SMAP1: variants seen among roughly 807,000 people sequenced by gnomAD.
SMAP1 encodes the protein small ArfGAP 1.
In SMAP1, 24 loss-of-function variants were observed where a neutral mutation model predicts 58.5. The observed-to-expected ratio is 0.41, with a 90% CI of 0.30 to 0.58. The LOEUF is 0.58. Ranked by LOEUF, SMAP1 falls within the 20% of genes least tolerant of loss-of-function variation. SMAP1 has a pLI of 0.29. For missense variants in SMAP1, 563 were observed against 566.3 expected, an observed-to-expected ratio of 0.99 and a Z score of 0.06; for synonymous variants, 216 against 196.6, an observed-to-expected ratio of 1.10 and a Z score of -0.82.
intron 6 of SMAP1, among the ~76,000 whole-genome samples, chr6:70,823,064 ATACTAATGATAGCT>A (rs1382551112): frequency 2.6e-5 from 4 of 152,210 alleles, no homozygotes; most frequent in Non-Finnish European, 4.4e-5. Flanking sequence ...AGCCCTTAGC[ATACTAATGATAGCT>A]GCTTTAAATT....
At chr6:70,716,525 G>A (rs1472926823) in intron 1 of SMAP1, among the ~76,000 whole-genome samples, 1 of 152,106 alleles carries the variant, frequency 6.6e-6, no homozygotes, top group Non-Finnish European at 1.5e-5. Context: ...TTGGGGGTTG[G>A]AGGCTCCTGC....
chr6:70,762,656 G>A (rs1213305006), intron 3 of SMAP1, among the ~76,000 whole-genome samples: 3 of 152,066 alleles, frequency 2.0e-5, no homozygotes, highest in Non-Finnish European at 4.4e-5. Flanking sequence ...CTTTTAAAAA[G>A]TATAAAAAGT....
intron 1 of SMAP1, among the ~76,000 whole-genome samples, chr6:70,710,489 A>G (rs1370731114): frequency 1.1e-5 from 1 of 90,630 alleles, no homozygotes; most frequent in African/African-American, 4.3e-5. Flanking sequence ...CGAGACTCCC[A>G]TCTCAAAAAA....
At position 70,810,447 on chromosome 6, in the gene SMAP1, G is replaced by A. The variant is rs186962436; in HGVS notation, c.576+11710G>A. The stretch of plus-strand genomic sequence containing the variant: ...CCACTTAGAAAAAATGATCACTAAT[G>A]CCTTGGCATTCATCCTTCCTAATTG... On this transcript the variant is annotated intron_variant, in intron 6 of 10. Coordinates refer to ENST00000370455, the MANE Select transcript of SMAP1 (RefSeq NM_001044305.3). Among the ~76,000 whole-genome samples, 4 of 152,250 alleles carry A rather than the reference G, an allele frequency of 2.6e-5. No individual in the cohort carries two copies. In the East Asian group the frequency reaches 5.8e-4, roughly 22 times the overall value.
At chr6:70,848,943 C>T (rs1771085990) in intron 7 of SMAP1, among the ~76,000 whole-genome samples, 1 of 152,148 alleles carries the variant, frequency 6.6e-6, no homozygotes, top group Admixed American at 6.5e-5. Context: ...GTTTTTTCAA[C>T]AATTCTGTGA....
intron 6 of SMAP1, among the ~76,000 whole-genome samples, chr6:70,804,548 G>A (rs1033664716): frequency 6.6e-6 from 1 of 152,032 alleles, no homozygotes; most frequent in African/African-American, 2.4e-5. Flanking sequence ...TATGATGTTC[G>A]CTGGTTATTT....
At chr6:70,750,001 A>G (rs958288075) in intron 2 of SMAP1, among the ~76,000 whole-genome samples, 5 of 152,196 alleles carry the variant, frequency 3.3e-5, no homozygotes, top group Admixed American at 1.3e-4. Flanking sequence ...AGGGGAATGC[A>G]TTATTAATTT....
At chr6:70,836,829 G>T in intron 6 of SMAP1, 112 bp from the exon 7 acceptor site, 1 of 826,126 alleles carries the variant, frequency 1.2e-6, no homozygotes, top group East Asian at 2.9e-5. Flanking sequence ...ATTATACTAT[G>T]TTTCATATTT....
intron 6 of SMAP1, among the ~76,000 whole-genome samples, chr6:70,799,533 A>G (rs1430806567): frequency 6.6e-6 from 1 of 152,210 alleles, no homozygotes; most frequent in Non-Finnish European, 1.5e-5. Context: ...GAATCATACT[A>G]AGAGAATTGT....
intron 1 of SMAP1, among the ~76,000 whole-genome samples, chr6:70,675,383 G>A (rs1162515269): frequency 1.3e-5 from 2 of 151,800 alleles, no homozygotes; most frequent in Non-Finnish European, 1.5e-5. Context: ...TGGAGCAGTG[G>A]TGTACACCTG....
chr6:70,777,634 T>G (rs1019564397), intron 4 of SMAP1, among the ~76,000 whole-genome samples: 16 of 152,124 alleles, frequency 1.1e-4, no homozygotes, highest in African/African-American at 3.6e-4. Context: ...TTTTCTATTT[T>G]TGGTTTTGTT....
At chr6:70,810,501 G>A (rs908120927) in intron 6 of SMAP1, among the ~76,000 whole-genome samples, 3 of 152,088 alleles carry the variant, frequency 2.0e-5, no homozygotes, top group African/African-American at 7.2e-5. Flanking sequence ...ATATCCACAT[G>A]GGATCATATT....
chr6:70,822,335 C>G (rs963127795), intron 6 of SMAP1, among the ~76,000 whole-genome samples: 1 of 152,144 alleles, frequency 6.6e-6, no homozygotes, highest in African/African-American at 2.4e-5. Context: ...ATAGTTATAT[C>G]AGGTTGATAC....
At chr6:70,742,465 A>G (rs1765856131) in intron 2 of SMAP1, among the ~76,000 whole-genome samples, 1 of 152,156 alleles carries the variant, frequency 6.6e-6, no homozygotes, top group Non-Finnish European at 1.5e-5. Flanking sequence ...CAAGTTCCTC[A>G]TCTCCATCTG....
At chr6:70,802,749 A>G (rs924939131) in intron 6 of SMAP1, among the ~76,000 whole-genome samples, 2 of 152,232 alleles carry the variant, frequency 1.3e-5, no homozygotes, top group African/African-American at 4.8e-5. Flanking sequence ...CCTTTTCTGC[A>G]TCTATTGAGA....
rs1003239972 is a variant in SMAP1, at chr6:70,727,115, G to GT, written c.119-5254dup. ...AACTTGAGGTCTTTTTTTGTTTTTT[G>GT]TTTTTTTTTAAAGACAGCGTCTCCC... On this transcript the variant is annotated intron_variant, in intron 1 of 10. Coordinates refer to ENST00000370455, the MANE Select transcript of SMAP1 (RefSeq NM_001044305.3). Among the ~76,000 whole-genome samples the GT allele has an allele frequency of 2.3e-4, 35 of 149,924 alleles. No individual in the cohort carries two copies. The East Asian group carries it at 5.1e-3, about 22-fold the overall frequency.
At chr6:70,685,542 CAAACTT>C (rs766667194) in intron 1 of SMAP1, among the ~76,000 whole-genome samples, 8 of 152,010 alleles carry the variant, frequency 5.3e-5, no homozygotes, top group Non-Finnish European at 1.0e-4. Flanking sequence ...AGAGTGAAAT[CAAACTT>C]AAAGGAGAAT....
At chr6:70,854,790 T>C (rs1771334582) in intron 8 of SMAP1, among the ~76,000 whole-genome samples, 1 of 152,196 alleles carries the variant, frequency 6.6e-6, no homozygotes, top group Admixed American at 6.5e-5. Flanking sequence ...ACCAAGATTT[T>C]GAATTCTTCT....
At chr6:70,737,534 T>A (rs1468739717) in intron 2 of SMAP1, among the ~76,000 whole-genome samples, 1 of 152,220 alleles carries the variant, frequency 6.6e-6, no homozygotes, top group Non-Finnish European at 1.5e-5. Context: ...AATAAAAGAT[T>A]CTTCTGTATG....
Sources: gnomAD v4.1 joint callset for allele counts (sites outside exome capture counted in the v4.1 genomes callset) on GRCh38, gnomAD v4.1.1 for gene constraint, MANE v1.5 for transcripts, NCBI Gene and HGNC (gene_info 2026-07-23, HGNC 2026-07-21) for gene names.